ASH1L: variants seen among roughly 807,000 people sequenced by gnomAD.
ASH1L encodes ASH1 like histone lysine methyltransferase.
A neutral mutation model predicts 269.0 loss-of-function variants in ASH1L; 23 were observed. The ratio of observed to expected loss-of-function variants is 0.09; its 90% CI spans 0.06 to 0.12. The LOEUF (loss-of-function observed/expected upper bound fraction) is 0.12, where lower values mean the gene tolerates loss of function less well. Ranked by LOEUF, ASH1L falls within the 10% of genes least tolerant of loss-of-function variation. ASH1L has a pLI of 1.00. For synonymous variants in ASH1L, 1,187 were observed against 1,253.5 expected, an observed-to-expected ratio of 0.95 and a Z score of 1.12; for missense variants, 2,912 against 3,567.8, an observed-to-expected ratio of 0.82 and a Z score of 4.68.
In ASH1L at chr1:155,562,531, C is replaced by T. The variant is rs776235395; in HGVS notation, c.-478G>A. On this transcript the variant is annotated 5_prime_UTR_variant, in exon 1 of 28. Transcript: ENST00000392403. The stretch of plus-strand genomic sequence containing the variant: ...CTAGCGCCCCCCTCAACCTTCCACT[C>T]CTTCCTCCTTGCGTTCTTTCCCACC... 10 of 1,522,926 alleles carry T rather than the reference C, an allele frequency of 6.6e-6. No individual in the cohort carries two copies. The Admixed American group carries it at 1.6e-4, about 24-fold the overall frequency. The allele number at this position is 1,522,926 out of a possible 1,614,324, so 94.3% of individuals were successfully genotyped here.
chr1:155,559,046 G>T (rs1384708555), intron 1 of ASH1L, among the ~76,000 whole-genome samples: 4 of 151,856 alleles, frequency 2.6e-5, no homozygotes, highest in Non-Finnish European at 5.9e-5. Context: ...GTTTTGCCAC[G>T]TTGGCCAGGC....
intron 6 of ASH1L, among the ~76,000 whole-genome samples, chr1:155,415,477 G>C (rs548583664): frequency 9.2e-5 from 14 of 151,702 alleles, no homozygotes; most frequent in Non-Finnish European, 1.5e-4. Context: ...AAGACAATTA[G>C]TCTCATACAA....
intron 6 of ASH1L, among the ~76,000 whole-genome samples, chr1:155,399,350 C>T (rs1212906849): frequency 1.3e-5 from 2 of 152,122 alleles, no homozygotes; most frequent in Admixed American, 1.3e-4. Context: ...AACTTTGAGG[C>T]CGGGAGCAGT....
chr1:155,499,975 A>G (rs894585049), intron 2 of ASH1L, among the ~76,000 whole-genome samples: 3 of 152,238 alleles, frequency 2.0e-5, no homozygotes, highest in Non-Finnish European at 4.4e-5. Context: ...CTCTTCAATC[A>G]GCCAAATGCA....
rs141474140 is a variant in ASH1L at position 155,514,402 on chromosome 1, G to A, written c.420+6698C>T. Among the ~76,000 whole-genome samples, 492 of 152,038 alleles carry A rather than the reference G, an allele frequency of 3.2e-3. 2 individuals carry two copies. The highest frequency in any genetic ancestry group is 0.012 in the African/African-American group (479 of 41,456). On this transcript the variant is annotated intron_variant, in intron 2 of 27. Transcript: ENST00000392403. ...AACTATAAATAAAACAGGTAATACTGGTGTAAAAGTAACTACAGTTTTTGC... is the reference window on the plus strand; with the variant it reads ...AACTATAAATAAAACAGGTAATACTAGTGTAAAAGTAACTACAGTTTTTGC...
intron 13 of ASH1L, among the ~76,000 whole-genome samples, chr1:155,358,078 AT>A (rs557978544): frequency 6.6e-5 from 10 of 151,306 alleles, no homozygotes; most frequent in African/African-American, 9.7e-5. Context: ...GCTGAGAATA[AT>A]TTTTTTTTAG....
At chr1:155,403,971 G>A (rs1338871316) in intron 6 of ASH1L, among the ~76,000 whole-genome samples, 2 of 149,646 alleles carry the variant, frequency 1.3e-5, no homozygotes, top group East Asian at 2.0e-4. Flanking sequence ...CAGGAGAATC[G>A]CTTGAACCTG....
At position 155,481,906 on chromosome 1, in the gene ASH1L, C is replaced by T; in HGVS notation, c.964G>A (p.Gly322Ser). Residue 322 changes from glycine to serine, a missense_variant, in exon 3 of 28, where the codon GGC becomes AGC. By Grantham distance (56) the Gly-to-Ser change is moderately conservative. Around this residue, in one of 13 missense-constraint regions of ASH1L, gnomAD observed 277 missense variants for 367.7 expected, o/e 0.75. Transcript: ENST00000392403. ...GTAGTGATAGTTCCTGGCTTTTTGC[C>T]TAAGTTTTTATTAATGAATACCGCT... The part of the protein sequence containing the change: ...TTAVFINKNL[G>S]KKPGTITTVG... 2.5e-6 allele frequency: 4 copies of T among 1,614,046 alleles called. No individual in the cohort carries two copies. In the South Asian group the frequency reaches 3.3e-5, roughly 13 times the overall value.
chr1:155,509,838 T>C (rs925370332), intron 2 of ASH1L, among the ~76,000 whole-genome samples: 1 of 152,118 alleles, frequency 6.6e-6, no homozygotes, highest in Non-Finnish European at 1.5e-5. Context: ...GGGACAACCA[T>C]GTAGCCATTT....
At position 155,482,431 on chromosome 1, in the gene ASH1L, T is replaced by C; in HGVS notation, c.439A>G (p.Lys147Glu). 1 of 1,612,300 alleles carries C rather than the reference T, an allele frequency of 6.2e-7. No individual in the cohort carries two copies. The highest frequency in any genetic ancestry group is 1.3e-5 in the African/African-American group (1 of 74,934). Residue 147 changes from lysine to glutamate, a missense_variant, in exon 3 of 28, where the codon AAG (lysine) becomes GAG (glutamate). This residue lies in a region of ASH1L where 277 missense variants were observed against 367.7 expected (regional missense o/e 0.75). Transcript: ENST00000392403. The stretch of plus-strand genomic sequence containing the variant: ...ATGGCTGCAACATCATCTGCTTTCT[T>C]GTACAACTTTGAAGGGTCCTAAAAT... ...PSKRDPSKLY[K>E]KADDVAAIEC...
chr1:155,340,284 G>A (rs532902466), intron 25 of ASH1L, among the ~76,000 whole-genome samples: 22 of 152,222 alleles, frequency 1.4e-4, no homozygotes, highest in Admixed American at 5.2e-4. Context: ...CTGGGTTCAA[G>A]CGATTCTTCT....
intron 1 of ASH1L, among the ~76,000 whole-genome samples, chr1:155,538,901 C>A (rs1019605340): frequency 2.0e-5 from 3 of 152,076 alleles, no homozygotes; most frequent in African/African-American, 4.8e-5. Flanking sequence ...AATATCTTTA[C>A]AAAGTTTAAT....
At chr1:155,424,425 G>C (rs1351305916) in intron 5 of ASH1L, among the ~76,000 whole-genome samples, 1 of 142,768 alleles carries the variant, frequency 7.0e-6, no homozygotes, top group Non-Finnish European at 1.5e-5. Flanking sequence ...TTTTTTTTTT[G>C]AGACAGAGTT....
chr1:155,353,829 C>T (rs989929766), intron 16 of ASH1L, among the ~76,000 whole-genome samples: 1 of 152,218 alleles, frequency 6.6e-6, no homozygotes, highest in African/African-American at 2.4e-5. Flanking sequence ...AATTACCCGT[C>T]CCCCACCCCA....
intron 1 of ASH1L, among the ~76,000 whole-genome samples, chr1:155,549,122 GTA>G (rs1671024729): frequency 6.6e-6 from 1 of 152,172 alleles, no homozygotes; most frequent in Non-Finnish European, 1.5e-5. Context: ...ATGATTTAGA[GTA>G]TACAAACAGG....
rs1558230456 is a variant in ASH1L at position 155,562,730 on chromosome 1, A to C, written c.-677T>G. On this transcript the variant is annotated 5_prime_UTR_variant, in exon 1 of 28. Transcript: ENST00000392403. The stretch of plus-strand genomic sequence containing the variant: ...GAACCCCCTCGTCCAGTCCCTCACT[A>C]CCCCTCAGGCCCTGTCAAGCCGGCG... 7.5e-7 allele frequency: 1 copy of C among 1,339,908 alleles called. No individual in the cohort carries two copies. Among genetic ancestry groups the C allele is most frequent in the Non-Finnish European group, 1.0e-6 (1 of 978,530 alleles). 83.0% of individuals were successfully genotyped at this position (1,339,908 alleles called of 1,614,324 possible).
intron 2 of ASH1L, among the ~76,000 whole-genome samples, chr1:155,493,124 C>T (rs777286507): frequency 2.6e-5 from 4 of 152,182 alleles, no homozygotes; most frequent in Non-Finnish European, 5.9e-5. Context: ...ACCAAATTCA[C>T]CCTTTTAAAG....
At chr1:155,458,744 C>A (rs1411865691) in intron 4 of ASH1L, among the ~76,000 whole-genome samples, 9 of 151,862 alleles carry the variant, frequency 5.9e-5, no homozygotes, top group African/African-American at 2.2e-4. Context: ...AACCAACCAA[C>A]CAACCAACCA....
intron 12 of ASH1L, among the ~76,000 whole-genome samples, chr1:155,363,136 A>C (rs111765654): frequency 0.047 from 7,190 of 152,154 alleles, 591 homozygotes; most frequent in African/African-American, 0.17. Flanking sequence ...GGCACATGCC[A>C]CCACGCCTGG....
Sources: allele counts gnomAD v4.1 joint callset (sites outside exome capture counted in the v4.1 genomes callset), GRCh38; gene constraint gnomAD v4.1.1; regional missense constraint gnomAD v4.1.1; transcripts MANE v1.5; gene names NCBI Gene and HGNC (gene_info 2026-07-23, HGNC 2026-07-21).